Variants in RANBP2 observed in about 807,000 individuals in gnomAD.
RANBP2 encodes the protein RAN binding protein 2.
Under a neutral mutation model 303.6 loss-of-function variants are expected in RANBP2, and 57 were observed. That is an observed-to-expected ratio of 0.19 (90% CI 0.15 to 0.23). The LOEUF (loss-of-function observed/expected upper bound fraction) is 0.23, where lower values mean the gene tolerates loss of function less well. RANBP2 is among the 10% of genes least tolerant of loss of function. The pLI is 1.00. For synonymous variants in RANBP2, 1,167 were observed against 1,301.5 expected, an observed-to-expected ratio of 0.90 and a Z score of 2.23; for missense variants, 3,138 against 3,780.8, an observed-to-expected ratio of 0.83 and a Z score of 4.46.
At chr2:109,025,347 T>C in the RANBP2 span, among the ~76,000 whole-genome samples, 1 of 152,226 alleles carries the variant, frequency 6.6e-6, no homozygotes, top group South Asian at 2.1e-4. Flanking sequence ...TTTCAGTTCC[T>C]TTGGGTATAT....
the RANBP2 span, among the ~76,000 whole-genome samples, chr2:109,088,403 A>G: frequency 6.7e-6 from 1 of 150,350 alleles, no homozygotes. Context: ...TCTCAAAAAA[A>G]AAAAAAAAAA....
the RANBP2 span, among the ~76,000 whole-genome samples, chr2:109,249,674 G>A: frequency 8.6e-5 from 12 of 139,776 alleles, no homozygotes; most frequent in Admixed American, 8.1e-4. Context: ...TCTTGACAGA[G>A]TCTTGCTGTG....
At chr2:109,078,711 G>A in the RANBP2 span, among the ~76,000 whole-genome samples, 6 of 147,738 alleles carry the variant, frequency 4.1e-5, no homozygotes, top group Admixed American at 1.3e-4. Context: ...GGCCGGGCGC[G>A]TTGGTGCGCG....
chr2:109,147,891 C>A, the RANBP2 span, among the ~76,000 whole-genome samples: 2 of 152,194 alleles, frequency 1.3e-5, no homozygotes, highest in Non-Finnish European at 2.9e-5. Flanking sequence ...TTTATAAACT[C>A]TGCGTTTATA....
At chr2:108,923,637 G>A in the RANBP2 span, among the ~76,000 whole-genome samples, 1 of 152,234 alleles carries the variant, frequency 6.6e-6, no homozygotes, top group African/African-American at 2.4e-5. Flanking sequence ...TCTTGAAATG[G>A]AGCATTCTTT....
the RANBP2 span, among the ~76,000 whole-genome samples, chr2:109,177,922 GA>G: frequency 6.6e-6 from 1 of 152,178 alleles, no homozygotes. Flanking sequence ...CATTAAACTG[GA>G]AGTTTCTAGC....
chr2:109,763,710 T>C, the RANBP2 span, among the ~76,000 whole-genome samples: 1 of 150,500 alleles, frequency 6.6e-6, no homozygotes, highest in African/African-American at 2.4e-5. Flanking sequence ...CTTCCTTTGA[T>C]TGATCATAGA....
the RANBP2 span, among the ~76,000 whole-genome samples, chr2:109,148,898 G>C: frequency 6.6e-6 from 1 of 152,026 alleles, no homozygotes; most frequent in Non-Finnish European, 1.5e-5. Flanking sequence ...AATTCTGATT[G>C]GTGGTTTTAC....
At chr2:109,586,543 C>T in the RANBP2 span, among the ~76,000 whole-genome samples, 1 of 152,026 alleles carries the variant, frequency 6.6e-6, no homozygotes, top group Non-Finnish European at 1.5e-5. Flanking sequence ...GGAGAAAATT[C>T]CAGAAAGAAG....
chr2:108,907,861 C>T, the RANBP2 span: 1 of 1,613,450 alleles, frequency 6.2e-7, no homozygotes, highest in African/African-American at 1.3e-5. Flanking sequence ...GAGCCTCACC[C>T]CGGCTGACTT....
At chr2:109,615,085 G>A in the RANBP2 span, 3 of 1,549,528 alleles carry the variant, frequency 1.9e-6, no homozygotes, top group Admixed American at 3.9e-5. Flanking sequence ...ACCGCACAGA[G>A]GCCGGCCCGC....
At chr2:109,613,777 C>A in the RANBP2 span, 44 of 1,221,920 alleles carry the variant, frequency 3.6e-5, no homozygotes, top group African/African-American at 6.1e-4. Flanking sequence ...GGGCTGGGGC[C>A]CCGGCGTCGG....
the RANBP2 span, among the ~76,000 whole-genome samples, chr2:109,306,930 C>CT: frequency 6.6e-6 from 1 of 152,204 alleles, no homozygotes. Context: ...GTGTGGATGG[C>CT]TGATGGTGTG....
chr2:108,941,339 G>A, the RANBP2 span, among the ~76,000 whole-genome samples: 667 of 152,278 alleles, frequency 4.4e-3, 3 homozygotes, highest in African/African-American at 0.016. Context: ...TCAAACGTGA[G>A]GCAGGTTCCC....
chr2:109,384,045 C>T, the RANBP2 span, among the ~76,000 whole-genome samples: 7 of 152,192 alleles, frequency 4.6e-5, no homozygotes, highest in Non-Finnish European at 8.8e-5. Context: ...CATCAGAGGA[C>T]CACTTGCTCC....
chr2:109,215,549 C>A, the RANBP2 span, among the ~76,000 whole-genome samples: 1 of 152,106 alleles, frequency 6.6e-6, no homozygotes, highest in African/African-American at 2.4e-5. Context: ...GGGTTCCTCT[C>A]GGGAGAGCCC....
the RANBP2 span, chr2:109,129,711 C>T: frequency 4.6e-6 from 7 of 1,536,794 alleles, no homozygotes; most frequent in South Asian, 2.4e-5. Context: ...TGCTGGAGTG[C>T]TCCGTGTGTC....
chr2:109,506,295 C>G, the RANBP2 span, among the ~76,000 whole-genome samples: 4 of 152,354 alleles, frequency 2.6e-5, no homozygotes, highest in African/African-American at 7.2e-5. Flanking sequence ...GGCGTTGAGT[C>G]TTCTTTCTCG....
the RANBP2 span, among the ~76,000 whole-genome samples, chr2:109,434,224 C>G: frequency 6.6e-6 from 1 of 152,240 alleles, no homozygotes; most frequent in Non-Finnish European, 1.5e-5. Context: ...GTGTCCACAC[C>G]TCTGGGCTCG....
Sources: allele counts gnomAD v4.1 joint callset (sites outside exome capture counted in the v4.1 genomes callset), GRCh38; gene constraint gnomAD v4.1.1; transcripts MANE v1.5; gene names NCBI Gene and HGNC (gene_info 2026-07-23, HGNC 2026-07-21).